UNC13C: variants seen among roughly 807,000 people sequenced by gnomAD.
The protein encoded by UNC13C is protein unc-13 homolog C.
UNC13C carries 174 observed loss-of-function variants against 245.4 expected under a neutral mutation model. That is an observed-to-expected ratio of 0.71 (90% CI 0.63 to 0.80). The LOEUF (loss-of-function observed/expected upper bound fraction) is 0.80, where lower values mean the gene tolerates loss of function less well. UNC13C is among the 30% of genes least tolerant of loss of function. UNC13C has a pLI of 0.00. For synonymous variants in UNC13C, 992 were observed against 895.1 expected, an observed-to-expected ratio of 1.11 and a Z score of -1.93; for missense variants, 2,829 against 2,602.9, an observed-to-expected ratio of 1.09 and a Z score of -1.89.
chr15:54,164,433 T>C lies in UNC13C; in HGVS notation c.3071+20749T>C, dbSNP rs2033093147. ...TGTAAACCAAGTTAAAAACACTGTC[T>C]TCATCTTAGACAGTGTGGCTTGGCC... On this transcript the variant is annotated intron_variant, in intron 4 of 32. Transcript: ENST00000260323. 2.0e-5 allele frequency among the ~76,000 whole-genome samples: 3 copies of C among 152,200 alleles called. No homozygotes were observed. In the South Asian group the frequency reaches 6.2e-4, roughly 31 times the overall value.
intron 22 of UNC13C, among the ~76,000 whole-genome samples, chr15:54,504,191 A>AAC (rs1408536823): frequency 2.0e-5 from 3 of 152,172 alleles, no homozygotes; most frequent in Non-Finnish European, 4.4e-5. Context: ...ATTGCCTAAA[A>AAC]ACAAATAAAC....
chr15:54,104,366 G>A (rs1900325083), intron 2 of UNC13C, among the ~76,000 whole-genome samples: 1 of 151,712 alleles, frequency 6.6e-6, no homozygotes, highest in Non-Finnish European at 1.5e-5. Context: ...AAATGTTTTT[G>A]TCTATGCTAA....
At chr15:53,995,343 A>G (rs1332197962) in intron 1 of UNC13C, among the ~76,000 whole-genome samples, 6 of 152,092 alleles carry the variant, frequency 3.9e-5, no homozygotes, top group African/African-American at 1.4e-4. Flanking sequence ...CCCTTCAGAT[A>G]AAACTCTCAT....
chr15:53,986,124 C>G (rs1894130293), intron 1 of UNC13C, among the ~76,000 whole-genome samples: 1 of 152,050 alleles, frequency 6.6e-6, no homozygotes, highest in Non-Finnish European at 1.5e-5. Context: ...TACTTCAAGA[C>G]AGGAGGCAGT....
chr15:54,484,014 A>C (rs1284277993), intron 19 of UNC13C, among the ~76,000 whole-genome samples: 1 of 151,842 alleles, frequency 6.6e-6, no homozygotes, highest in African/African-American at 2.4e-5. Context: ...GGTCTTCCAT[A>C]CCTTTCATAC....
At position 54,623,911 on chromosome 15, in the gene UNC13C, A is replaced by G. The variant is rs1398331754; in HGVS notation, c.6316A>G (p.Lys2106Glu). ...DKKRKQGTKT[K>E]SNTWSPKYNE... Reference sequence around the variant, plus strand: ...GAAGAGAAAACAAGGCACAAAAACAAAAAGCAACACATGGTCACCAAAGTA... The same window carrying G: ...GAAGAGAAAACAAGGCACAAAAACAGAAAGCAACACATGGTCACCAAAGTA... The change falls in exon 32 of 33, where the codon AAA becomes GAA. Residue 2106 changes from lysine (K) to glutamate (E), a missense_variant. By Grantham distance (56) the Lys-to-Glu change is moderately conservative. Transcript: ENST00000260323. 1 of 1,613,270 alleles carries G rather than the reference A, an allele frequency of 6.2e-7. No homozygotes were observed. The highest frequency in any genetic ancestry group is 8.5e-7 in the Non-Finnish European group (1 of 1,179,496).
chr15:54,286,083 T>C (rs565250165), intron 10 of UNC13C, among the ~76,000 whole-genome samples: 2 of 151,940 alleles, frequency 1.3e-5, no homozygotes, highest in East Asian at 3.9e-4. Context: ...GTTTCACCAT[T>C]TTGGCCAGGC....
chr15:54,001,195 C>T (rs1376710427), intron 1 of UNC13C, among the ~76,000 whole-genome samples: 1 of 152,084 alleles, frequency 6.6e-6, no homozygotes, highest in Admixed American at 6.5e-5. Context: ...CTATCAGACA[C>T]CCTGGTACAT....
chr15:54,231,517 A>G (rs541952890), intron 4 of UNC13C, among the ~76,000 whole-genome samples: 4 of 152,120 alleles, frequency 2.6e-5, no homozygotes, highest in African/African-American at 9.6e-5. Context: ...TTTCTTATTT[A>G]TAAAATGAGA....
chr15:53,945,358 A>G, the UNC13C span, among the ~76,000 whole-genome samples: 2 of 152,136 alleles, frequency 1.3e-5, no homozygotes, highest in African/African-American at 4.8e-5. Flanking sequence ...GTTATCTTCT[A>G]GAGTTTTTAT....
At chr15:54,253,883 C>G (rs1285762774) in intron 8 of UNC13C, among the ~76,000 whole-genome samples, 1 of 152,192 alleles carries the variant, frequency 6.6e-6, no homozygotes, top group Non-Finnish European at 1.5e-5. Flanking sequence ...ATGGCACTTT[C>G]CTTACACATC....
At chr15:54,631,408 GT>G (rs1374728645), downstream of UNC13C, 2 of 152,150 alleles carry the variant, frequency 1.3e-5, no homozygotes, top group African/African-American at 4.8e-5. Context: ...ATACATTTCT[GT>G]GTTATGACAA....
intron 18 of UNC13C, among the ~76,000 whole-genome samples, chr15:54,398,240 A>G (rs1303326855): frequency 1.3e-5 from 2 of 151,422 alleles, no homozygotes; most frequent in Non-Finnish European, 3.0e-5. Flanking sequence ...AACAATCAGT[A>G]TGGTGAATTG....
At chr15:54,192,883 TTC>T (rs2034233141) in intron 4 of UNC13C, among the ~76,000 whole-genome samples, 1 of 149,664 alleles carries the variant, frequency 6.7e-6, no homozygotes, top group Non-Finnish European at 1.5e-5. Context: ...CTCTCTTTCT[TTC>T]TCTTTCTCTG....
chr15:53,903,252 G>C, the UNC13C span, among the ~76,000 whole-genome samples: 1 of 152,170 alleles, frequency 6.6e-6, no homozygotes, highest in Non-Finnish European at 1.5e-5. Flanking sequence ...GATCCCAGAA[G>C]ATGTAACATA....
chr15:54,305,990 G>A (rs1276685837), intron 13 of UNC13C, among the ~76,000 whole-genome samples: 1 of 151,942 alleles, frequency 6.6e-6, no homozygotes. Flanking sequence ...TTTGAAGATG[G>A]ATTTGGAGAA....
intron 10 of UNC13C, among the ~76,000 whole-genome samples, chr15:54,269,757 T>G (rs2036638209): frequency 6.6e-6 from 1 of 152,150 alleles, no homozygotes; most frequent in Non-Finnish European, 1.5e-5. Context: ...TCTGTATTAT[T>G]ATTGGCAGTT....
At chr15:54,004,706 C>A (rs1353770454) in intron 1 of UNC13C, among the ~76,000 whole-genome samples, 1 of 152,190 alleles carries the variant, frequency 6.6e-6, no homozygotes, top group Non-Finnish European at 1.5e-5. Context: ...TCCATTTTAA[C>A]CGGAGCGAGG....
At chr15:54,301,447 C>T (rs765473433) in intron 13 of UNC13C, among the ~76,000 whole-genome samples, 49 of 152,012 alleles carry the variant, frequency 3.2e-4, no homozygotes, top group Non-Finnish European at 3.1e-4. Flanking sequence ...TAGCCGTCTA[C>T]GCCCCAACAG....
Sources: gnomAD v4.1 joint callset for allele counts (sites outside exome capture counted in the v4.1 genomes callset) on GRCh38, gnomAD v4.1.1 for gene constraint, MANE v1.5 for transcripts, NCBI Gene and HGNC (gene_info 2026-07-23, HGNC 2026-07-21) for gene names.